Variants in MRPL22 observed in about 807,000 individuals in gnomAD.
MRPL22 encodes large ribosomal subunit protein uL22m.
A neutral mutation model predicts 32.4 loss-of-function variants in MRPL22; 27 were observed. The observed-to-expected ratio is 0.83, with a 90% confidence interval of 0.61 to 1.15. The LOEUF is 1.15. Ranked by LOEUF, MRPL22 falls within the 50% of genes most tolerant of loss-of-function variation. The pLI is 0.00. For synonymous variants in MRPL22, 86 were observed against 87.3 expected (o/e 0.99, Z 0.08); for missense variants, 239 against 260.2 (o/e 0.92, Z 0.56).
chr5:154,958,336 C>CATACCTTTCAGTTTAGTAGTA (rs1165187619), intron 5 of MRPL22, among the ~76,000 whole-genome samples: 2 of 152,070 alleles, frequency 1.3e-5, no homozygotes, highest in South Asian at 4.1e-4. Flanking sequence ...AAAGTCAGTT[C>CATACCTTTCAGTTTAGTAGTA]ATACCTTTCA....
intron 2 of MRPL22, among the ~76,000 whole-genome samples, chr5:154,945,338 A>C (rs1017941069): frequency 6.6e-6 from 1 of 152,220 alleles, no homozygotes; most frequent in Admixed American, 6.5e-5. Flanking sequence ...AGCAACTGGA[A>C]GGGTAGAGTT....
At chr5:154,960,194 A>G in intron 6 of MRPL22, 145 bp downstream of exon 6, 1 of 608,472 alleles carries the variant, frequency 1.6e-6, no homozygotes, top group East Asian at 2.8e-5. Flanking sequence ...CTTCAGCTGT[A>G]TGCATGCCAA....
chr5:154,953,379 A>G (rs933865906), intron 3 of MRPL22, among the ~76,000 whole-genome samples: 69 of 148,106 alleles, frequency 4.7e-4, no homozygotes, highest in African/African-American at 6.8e-4. Context: ...AAAAAAAAAA[A>G]AAAAAAAAAG....
At chr5:154,960,135 A>G in intron 6 of MRPL22, 86 bp downstream of exon 6, 1 of 925,388 alleles carries the variant, frequency 1.1e-6, no homozygotes, top group Admixed American at 2.2e-5. Context: ...TTAATATCTA[A>G]CTCCTCAGGA....
chr5:154,956,656 T>A, intron 4 of MRPL22: 1 of 467,852 alleles, frequency 2.1e-6, no homozygotes. Flanking sequence ...AGATAGATAC[T>A]AAAAGGCATC....
intron 2 of MRPL22, among the ~76,000 whole-genome samples, chr5:154,946,249 A>G (rs752663944): frequency 6.6e-6 from 1 of 152,178 alleles, no homozygotes; most frequent in Non-Finnish European, 1.5e-5. Flanking sequence ...GATTAGAGAT[A>G]GAATTAAGGT....
At chr5:154,941,887 A>G (rs1266880070) in intron 2 of MRPL22, among the ~76,000 whole-genome samples, 1 of 152,204 alleles carries the variant, frequency 6.6e-6, no homozygotes, top group Admixed American at 6.5e-5. Context: ...AAAAATCGGT[A>G]TTTGAAAATT....
At chr5:154,953,309 C>G (rs556134424) in intron 3 of MRPL22, among the ~76,000 whole-genome samples, 4 of 136,484 alleles carry the variant, frequency 2.9e-5, no homozygotes, top group African/African-American at 1.1e-4. Flanking sequence ...GAGCTGAGAT[C>G]GCACCACTGC....
chr5:154,957,788 T>C (rs1281328140), intron 5 of MRPL22, among the ~76,000 whole-genome samples: 1 of 152,168 alleles, frequency 6.6e-6, no homozygotes, highest in Non-Finnish European at 1.5e-5. Context: ...GGAATTGGAT[T>C]AGATGACCCC....
rs113170714 is a variant in MRPL22, at chr5:154,948,327, G to A, written c.78-2494G>A. On this transcript the variant is annotated intron_variant, in intron 2 of 6. Transcript: ENST00000523037. ...TGATATTTAAACTTCCAATGGCTTC[G>A]TAACTGTCATACTTTATAATAGTTC... is the stretch of plus-strand genomic sequence containing the variant. Among the ~76,000 whole-genome samples the A allele has an allele frequency of 1.1e-3, 169 of 152,108 alleles. 3 individuals are homozygous for A. The highest frequency in any genetic ancestry group is 3.9e-3 in the African/African-American group (163 of 41,492).
At chr5:154,963,087 C>T (rs112936216) in intron 6 of MRPL22, among the ~76,000 whole-genome samples, 17 of 152,244 alleles carry the variant, frequency 1.1e-4, no homozygotes, top group African/African-American at 3.9e-4. Flanking sequence ...TACAGGCATG[C>T]ATCACCACAC....
intron 2 of MRPL22, among the ~76,000 whole-genome samples, chr5:154,942,900 CTT>C (rs1342428234): frequency 6.6e-6 from 1 of 152,272 alleles, no homozygotes; most frequent in African/African-American, 2.4e-5. Flanking sequence ...GAGCAAGAAA[CTT>C]AAGCAGTTTG....
At position 154,968,689 on chromosome 5, in the gene MRPL22, G is replaced by A. The variant is rs1370430531; in HGVS notation, c.*1792G>A. The stretch of plus-strand genomic sequence containing the variant: ...CTCTCATGTGGTGGGGATGCTCCAC[G>A]ATTGCTCTTGGAGTTGTGACTTCCT... On this transcript the variant is annotated 3_prime_UTR_variant, in exon 7 of 7. Transcript: ENST00000523037. 2 of 152,200 alleles carry A rather than the reference G, an allele frequency of 1.3e-5. No individual in the cohort carries two copies. The highest frequency in any genetic ancestry group is 2.1e-4 in the South Asian group (1 of 4,828). The allele number at this position is 152,200 out of a possible 1,614,324, so 9.4% of individuals were successfully genotyped here. A position where few individuals can be genotyped will look rare whatever the true frequency, so the allele number is the denominator to read the frequency against.
chr5:154,957,220 T>C lies in MRPL22; in HGVS notation c.339+8T>C. 1 of 1,609,760 alleles carries C rather than the reference T, an allele frequency of 6.2e-7. No homozygotes were observed. Among genetic ancestry groups the C allele is most frequent in the Non-Finnish European group, 8.5e-7 (1 of 1,176,076 alleles). On this transcript the variant is annotated splice_region_variant and intron_variant, in intron 5 of 6. Coordinates refer to ENST00000523037, the MANE Select transcript of MRPL22 (RefSeq NM_014180.4). ...GCCAAAATAATTAAAGAGGTAAACT[T>C]ACAAGTTTGGGTGTGGTAGGGAATG...
At position 154,968,141 on chromosome 5, in the gene MRPL22, A is replaced by C. The variant is rs1019428351; in HGVS notation, c.*1244A>C. The C allele has an allele frequency of 1.3e-5, 2 of 152,260 alleles. No homozygotes were observed. Among genetic ancestry groups the C allele is most frequent in the South Asian group, 4.1e-4 (2 of 4,830 alleles). 9.4% of individuals were successfully genotyped at this position (152,260 alleles called of 1,614,324 possible). On this transcript the variant is annotated 3_prime_UTR_variant, in exon 7 of 7. Transcript: ENST00000523037. ...AGCACACAGAATTCAAATAACTATC[A>C]CAAGTCACACAGCATGTAAATATTG... is the stretch of plus-strand genomic sequence containing the variant.
In MRPL22 at chr5:154,967,234, T is replaced by G. The variant is rs889897901; in HGVS notation, c.*337T>G. On this transcript the variant is annotated 3_prime_UTR_variant, in exon 7 of 7. Transcript: ENST00000523037. This position sits in a 1 kb window ranked among gnomAD's most constrained non-coding sequence, Gnocchi z 4.7. ...GATACTGGACTTGAATACAGTGTTA[T>G]GAGGTAAGAAAATTGCTTTTATTTC... 1 of 239,688 alleles carries G rather than the reference T, an allele frequency of 4.2e-6. No homozygotes were observed. Among genetic ancestry groups the G allele is most frequent in the South Asian group, 6.3e-5 (1 of 15,766 alleles). 14.8% of individuals were successfully genotyped at this position (239,688 alleles called of 1,614,324 possible). A position where few individuals can be genotyped will look rare whatever the true frequency, so the allele number is the denominator to read the frequency against.
rs1192786251 is a variant in MRPL22, at chr5:154,968,635, T to C, written c.*1738T>C. The C allele has an allele frequency of 6.6e-6, 1 of 152,242 alleles. No homozygotes were observed. The highest frequency in any genetic ancestry group is 1.5e-5 in the Non-Finnish European group (1 of 68,052). 9.4% of individuals were successfully genotyped at this position (152,242 alleles called of 1,614,324 possible). ...AATAAATGCCCCAGTGATTTGCATG[T>C]TGGAGAATTATCACACCAGGTCACT... On this transcript the variant is annotated 3_prime_UTR_variant, in exon 7 of 7. Transcript: ENST00000523037.
chr5:154,961,683 A>C (rs988672754), intron 6 of MRPL22, among the ~76,000 whole-genome samples: 3 of 151,934 alleles, frequency 2.0e-5, no homozygotes, highest in African/African-American at 7.3e-5. Context: ...ATGACCCTTT[A>C]TTTTATCTTT....
intron 5 of MRPL22, 52 bp downstream of exon 5, chr5:154,957,264 C>A: frequency 6.9e-7 from 1 of 1,448,220 alleles, no homozygotes; most frequent in Non-Finnish European, 9.7e-7. Flanking sequence ...GGGAATGCAG[C>A]TGTCTTGCAA....
Sources: gnomAD v4.1 joint callset for allele counts (sites outside exome capture counted in the v4.1 genomes callset) on GRCh38, gnomAD v4.1.1 for gene constraint, Gnocchi (gnomAD v3.1) non-coding constraint, MANE v1.5 for transcripts, NCBI Gene and HGNC (gene_info 2026-07-23, HGNC 2026-07-21) for gene names.